Variants in VAC14 observed in about 807,000 individuals in gnomAD.
VAC14 encodes the protein VAC14 component of PIKFYVE complex, also known as protein VAC14 homolog.
Under a neutral mutation model 85.3 loss-of-function variants are expected in VAC14, and 47 were observed. The ratio of observed to expected loss-of-function variants is 0.55; its 90% CI spans 0.44 to 0.70. The LOEUF is 0.70. Among genes scored for constraint, VAC14 ranks in the 30% least tolerant of loss-of-function variants. The probability of loss-of-function intolerance (pLI) is 0.00; values close to 1 mark genes in which losing one functional copy is unlikely to be tolerated. For synonymous variants in VAC14, 447 were observed against 430.5 expected (o/e 1.04, Z -0.47); for missense variants, 861 against 1,004.3 (o/e 0.86, Z 1.93).
chr16:70,765,716 A>G (rs1490615575), intron 10 of VAC14, among the ~76,000 whole-genome samples: 1 of 152,134 alleles, frequency 6.6e-6, no homozygotes, highest in Admixed American at 6.5e-5. Context: ...CATCGCCTCC[A>G]CTGTATCCTG....
At chr16:70,761,992 C>T (rs947774236) in intron 12 of VAC14, among the ~76,000 whole-genome samples, 1 of 152,226 alleles carries the variant, frequency 6.6e-6, no homozygotes, top group Admixed American at 6.5e-5. Context: ...CTTTGGGCAG[C>T]CTCACTCCAA....
At chr16:70,765,571 C>G (rs910497922) in intron 10 of VAC14, among the ~76,000 whole-genome samples, 2 of 152,176 alleles carry the variant, frequency 1.3e-5, no homozygotes, top group African/African-American at 2.4e-5. Context: ...AGGAAGTCAC[C>G]TGGCCAAGAT....
chr16:70,747,653 G>C (rs771980478), intron 12 of VAC14: 1 of 152,256 alleles, frequency 6.6e-6, no homozygotes, highest in South Asian at 2.1e-4. Context: ...GAGGAGATCT[G>C]TGTCTCTTTA....
rs111280326 is a variant in VAC14 at position 70,761,520 on chromosome 16, G to A, written c.1371+1020C>T. ...GGCACGCGCAGCTGCAAACCCTGCC[G>A]CTTGGCTGGGAGGCAGGGGAACCCG... On this transcript the variant is annotated intron_variant, in intron 12 of 18. Transcript: ENST00000261776. Among the ~76,000 whole-genome samples, 30 of 152,360 alleles carry A rather than the reference G, an allele frequency of 2.0e-4. 1 individual carries two copies. Among genetic ancestry groups the A allele is most frequent in the African/African-American group, 5.5e-4 (23 of 41,590 alleles).
intron 14 of VAC14, among the ~76,000 whole-genome samples, chr16:70,710,968 T>C (rs1333920288): frequency 2.0e-5 from 3 of 152,258 alleles, no homozygotes; most frequent in Non-Finnish European, 4.4e-5. Context: ...GCTGCCATTC[T>C]GGTTTCTGGG....
chr16:70,712,735 G>A (rs2054061738), intron 14 of VAC14, among the ~76,000 whole-genome samples: 1 of 152,240 alleles, frequency 6.6e-6, no homozygotes, highest in Middle Eastern at 3.2e-3. Context: ...CAGGTGGTCA[G>A]GGGTCTTTCC....
intron 9 of VAC14, among the ~76,000 whole-genome samples, chr16:70,777,757 C>T (rs758077681): frequency 4.6e-5 from 7 of 152,154 alleles, no homozygotes; most frequent in Non-Finnish European, 8.8e-5. Context: ...GGAGGTGTGC[C>T]ATGAGGAACG....
intron 18 of VAC14, chr16:70,689,270 C>T: frequency 2.0e-6 from 2 of 985,498 alleles, no homozygotes; most frequent in Non-Finnish European, 2.4e-6. Context: ...GGTATCCAGC[C>T]CCAGCTTAGG....
chr16:70,794,370 T>C (rs988321440), intron 1 of VAC14, among the ~76,000 whole-genome samples: 1 of 152,262 alleles, frequency 6.6e-6, no homozygotes, highest in Non-Finnish European at 1.5e-5. Flanking sequence ...TTTATACAAA[T>C]AGAATCACAC....
chr16:70,772,865 G>C (rs1254236013), intron 9 of VAC14: 4 of 152,200 alleles, frequency 2.6e-5, no homozygotes, highest in Non-Finnish European at 5.9e-5. Context: ...ATGAGGTGTG[G>C]TATAGCCATA....
intron 12 of VAC14, among the ~76,000 whole-genome samples, chr16:70,758,170 T>TC (rs778629947): frequency 3.9e-5 from 6 of 152,216 alleles, no homozygotes; most frequent in Non-Finnish European, 5.9e-5. Context: ...AGAGCCTGGC[T>TC]CCTGGGTGGG....
rs537397306 is a variant in VAC14, at chr16:70,797,687, T to C, written c.104+3110A>G. The stretch of plus-strand genomic sequence containing the variant: ...AGTTCCCAGTGTTGGAGATGGGGCC[T>C]GGTGGAGGTGGCTGGATCATGGGGG... On this transcript the variant is annotated intron_variant, in intron 1 of 18. Transcript: ENST00000261776. Among the ~76,000 whole-genome samples the C allele has an allele frequency of 1.0e-3, 155 of 152,322 alleles. 1 individual carries two copies. Among genetic ancestry groups the C allele is most frequent in the African/African-American group, 3.6e-3 (148 of 41,572 alleles).
intron 9 of VAC14, among the ~76,000 whole-genome samples, chr16:70,779,502 A>C (rs1403079572): frequency 6.6e-6 from 1 of 152,122 alleles, no homozygotes; most frequent in African/African-American, 2.4e-5. Flanking sequence ...GATTTCTTTT[A>C]CCACTGGTTG....
intron 12 of VAC14, among the ~76,000 whole-genome samples, chr16:70,753,011 GGT>G (rs372860764): frequency 0.063 from 8,972 of 142,342 alleles, 654 homozygotes; most frequent in African/African-American, 0.19. Context: ...AGGAGGAGGG[GGT>G]GTGTGTGTGT....
chr16:70,761,008 TGTGTGTGTGTGCATGGGGGG>T (rs1257405196), intron 12 of VAC14: 26 of 324,656 alleles, frequency 8.0e-5, no homozygotes, highest in Admixed American at 4.6e-4. Flanking sequence ...TGTGTGTGTG[TGTGTGTGTGTGCATGGGGGG>T]GCGGGGGGTA....
At chr16:70,734,432 C>T (rs1056707881) in intron 13 of VAC14, among the ~76,000 whole-genome samples, 2 of 152,228 alleles carry the variant, frequency 1.3e-5, no homozygotes, top group African/African-American at 4.8e-5. Context: ...TGTGCCCAGC[C>T]TCTTTTTATT....
intron 10 of VAC14, among the ~76,000 whole-genome samples, chr16:70,763,389 A>G (rs1433740498): frequency 6.6e-6 from 1 of 151,522 alleles, no homozygotes; most frequent in Non-Finnish European, 1.5e-5. Context: ...AGGAGGAGAA[A>G]CCCTCTCCCA....
intron 17 of VAC14, among the ~76,000 whole-genome samples, chr16:70,694,159 C>CA (rs2053659071): frequency 1.3e-5 from 2 of 152,224 alleles, no homozygotes; most frequent in Non-Finnish European, 2.9e-5. Flanking sequence ...TACCCTGCCC[C>CA]AGCAAAGCCC....
chr16:70,692,747 C>T, intron 18 of VAC14, 74 bp downstream of exon 18: 9 of 1,538,786 alleles, frequency 5.8e-6, no homozygotes, highest in African/African-American at 1.4e-5. Context: ...CCTGGCAAGG[C>T]CCTTCCTCAC....
Sources: allele counts gnomAD v4.1 joint callset (sites outside exome capture counted in the v4.1 genomes callset), GRCh38; gene constraint gnomAD v4.1.1; transcripts MANE v1.5; gene names NCBI Gene and HGNC (gene_info 2026-07-23, HGNC 2026-07-21).